Variants in PCSK5 observed in about 807,000 individuals in gnomAD.
PCSK5 encodes proprotein convertase subtilisin/kexin type 5.
A neutral mutation model predicts 233.2 loss-of-function variants in PCSK5; 129 were observed. The observed-to-expected ratio is 0.55, with a 90% CI of 0.48 to 0.64. PCSK5 has a LOEUF of 0.64. Ranked by LOEUF, PCSK5 falls within the 30% of genes least tolerant of loss-of-function variation. The pLI is 0.00. For synonymous variants in PCSK5, 825 were observed against 879.2 expected, an observed-to-expected ratio of 0.94 and a Z score of 1.09; for missense variants, 2,076 against 2,430.1, an observed-to-expected ratio of 0.85 and a Z score of 3.06.
At chr9:75,965,251 ATGTGTGTATATGTGTGTGTGTGTGTG>A (rs1408378480) in intron 2 of PCSK5, among the ~76,000 whole-genome samples, 6 of 93,090 alleles carry the variant, frequency 6.4e-5, no homozygotes, top group African/African-American at 2.4e-4. Context: ...ATATATGTGT[ATGTGTGTATATGTGTGTGTGTGTGTG>A]TGTGTGTGTG....
intron 1 of PCSK5, among the ~76,000 whole-genome samples, chr9:75,915,041 G>A (rs976023926): frequency 6.6e-5 from 10 of 152,160 alleles, no homozygotes; most frequent in African/African-American, 2.2e-4. Flanking sequence ...TTGATTGAAC[G>A]GCTAAAGCAT....
In PCSK5 at chr9:76,201,440, A is replaced by T. The variant is rs551070732; in HGVS notation, c.2626+11694A>T. Among the ~76,000 whole-genome samples the T allele has an allele frequency of 6.6e-5, 10 of 152,340 alleles. No individual in the cohort carries two copies. In the South Asian group the frequency reaches 1.4e-3, roughly 22 times the overall value. Reference sequence around the variant, plus strand: ...TAAATGCCTAAGGTACTCCAGTGGTAGATAGAAGGTCTGGGATTAATTTAA... The same window carrying T: ...TAAATGCCTAAGGTACTCCAGTGGTTGATAGAAGGTCTGGGATTAATTTAA... On this transcript the variant is annotated intron_variant, in intron 20 of 37. Coordinates refer to ENST00000674117, the MANE Select transcript of PCSK5 (RefSeq NM_001372043.1).
At chr9:76,296,628 T>G (rs891214589) in intron 26 of PCSK5, 37 bp from the exon 27 acceptor site, 13 of 1,433,218 alleles carry the variant, frequency 9.1e-6, no homozygotes, top group Non-Finnish European at 1.1e-5. Flanking sequence ...CAAAGATCAC[T>G]AAAGCCTTCA....
chr9:76,171,703 G>A (rs570291580), intron 13 of PCSK5, among the ~76,000 whole-genome samples: 1 of 152,120 alleles, frequency 6.6e-6, no homozygotes, highest in Non-Finnish European at 1.5e-5. Flanking sequence ...CATAGCAGAG[G>A]CATCTCCTTA....
intron 9 of PCSK5, among the ~76,000 whole-genome samples, chr9:76,131,737 A>G (rs559014901): frequency 3.3e-5 from 5 of 152,126 alleles, no homozygotes; most frequent in Admixed American, 1.3e-4. Flanking sequence ...GGATCTCCCA[A>G]TGATCAGAAT....
intron 17 of PCSK5, 50 bp downstream of exon 17, chr9:76,184,807 A>G (rs1824027705): frequency 9.3e-7 from 1 of 1,079,820 alleles, no homozygotes; most frequent in Non-Finnish European, 1.4e-6. Flanking sequence ...AGAGCTTCTC[A>G]ATGTAAATAA....
chr9:76,207,675 G>A (rs1363947255), intron 20 of PCSK5, among the ~76,000 whole-genome samples: 1 of 152,170 alleles, frequency 6.6e-6, no homozygotes, highest in Non-Finnish European at 1.5e-5. Context: ...GTTATGAAAA[G>A]GAATTAGAGA....
Position 76,106,834 on chromosome 9 carries a change from A to G in PCSK5, c.1108-417A>G, listed in dbSNP as rs1831999699. Among the ~76,000 whole-genome samples the G allele has an allele frequency of 1.3e-5, 2 of 152,206 alleles. 1 individual carries two copies. The highest frequency in any genetic ancestry group is 4.1e-4 in the South Asian group (2 of 4,836). The stretch of plus-strand genomic sequence containing the variant: ...TGTACTTTTATTCTGTATGTTGCCA[A>G]TGCCTGCTCAGTGTCTGGATTTGAT... On this transcript the variant is annotated intron_variant, in intron 8 of 37. Coordinates refer to ENST00000674117, the MANE Select transcript of PCSK5 (RefSeq NM_001372043.1).
chr9:75,890,629 G>C (rs1037559099), upstream of PCSK5: 1 of 152,950 alleles, frequency 6.5e-6, no homozygotes, highest in African/African-American at 2.4e-5. Context: ...GGTGTTAAGG[G>C]GGGCGGGGGA....
chr9:75,979,774 C>T (rs141920930), intron 2 of PCSK5, among the ~76,000 whole-genome samples: 1 of 152,164 alleles, frequency 6.6e-6, no homozygotes, highest in East Asian at 1.9e-4. Context: ...TTCAAAGAGG[C>T]CTTTCTTGAC....
intron 5 of PCSK5, among the ~76,000 whole-genome samples, chr9:76,041,302 C>T (rs1188980371): frequency 1.3e-5 from 2 of 152,110 alleles, no homozygotes; most frequent in Non-Finnish European, 2.9e-5. Flanking sequence ...AATAGTATTT[C>T]ACCTGAGTCT....
intron 7 of PCSK5, among the ~76,000 whole-genome samples, chr9:76,087,430 T>C (rs924326261): frequency 1.3e-5 from 2 of 152,230 alleles, no homozygotes; most frequent in African/African-American, 4.8e-5. Flanking sequence ...TTGACCACCT[T>C]ACTCACCATT....
intron 2 of PCSK5, among the ~76,000 whole-genome samples, chr9:75,979,538 C>T (rs752532852): frequency 1.3e-5 from 2 of 152,158 alleles, no homozygotes; most frequent in East Asian, 1.9e-4. Context: ...TTTGAGTGAG[C>T]TTCTTTCTTT....
rs59466685 is a variant in PCSK5 at position 76,328,975 on chromosome 9, A to ATTTTT, written c.4570+747_4570+751dup. Among the ~76,000 whole-genome samples, 231 of 123,698 alleles carry ATTTTT rather than the reference A, an allele frequency of 1.9e-3. 5 individuals are homozygous for ATTTTT. Among genetic ancestry groups the ATTTTT allele is most frequent in the African/African-American group, 6.6e-3 (204 of 31,074 alleles). The allele number at this position is 123,698 out of a possible 152,430, so 81.2% of individuals were successfully genotyped here. A position where few individuals can be genotyped will look rare whatever the true frequency, so the allele number is the denominator to read the frequency against. On this transcript the variant is annotated intron_variant, in intron 33 of 37. Transcript: ENST00000674117. Reference sequence around the variant, plus strand: ...AGGTGGGCACCATCGCTCCCGGCTAATTTTTTTTTTTTTTTGTATTTTTGG... The same window carrying ATTTTT: ...AGGTGGGCACCATCGCTCCCGGCTAATTTTTTTTTTTTTTTTTTTTGTATTTTTGG...
chr9:76,279,814 C>A (rs1201499309), intron 24 of PCSK5, among the ~76,000 whole-genome samples: 2 of 151,104 alleles, frequency 1.3e-5, no homozygotes, highest in Non-Finnish European at 2.9e-5. Context: ...TGGATATTAG[C>A]CCTTTGTCAG....
At chr9:75,896,614 T>C (rs1473334131) in intron 1 of PCSK5, among the ~76,000 whole-genome samples, 1 of 152,224 alleles carries the variant, frequency 6.6e-6, no homozygotes, top group Non-Finnish European at 1.5e-5. Context: ...ATTCATTTAA[T>C]TCAGGTTGTG....
At chr9:75,899,945 GA>G (rs1241734242) in intron 1 of PCSK5, among the ~76,000 whole-genome samples, 1 of 152,186 alleles carries the variant, frequency 6.6e-6, no homozygotes, top group Non-Finnish European at 1.5e-5. Context: ...AAGTGCTATA[GA>G]AAGAATCCAG....
At chr9:76,355,555 G>A (rs1006133017) in intron 37 of PCSK5, among the ~76,000 whole-genome samples, 1 of 152,124 alleles carries the variant, frequency 6.6e-6, no homozygotes, top group African/African-American at 2.4e-5. Flanking sequence ...ATTTCCTTGG[G>A]GTTCAGAAGT....
intron 2 of PCSK5, among the ~76,000 whole-genome samples, chr9:75,953,910 G>A (rs570263314): frequency 1.3e-5 from 2 of 152,210 alleles, no homozygotes; most frequent in South Asian, 4.1e-4. Flanking sequence ...GAAGTCCTGT[G>A]GGGGAAGGCC....
Sources: allele counts gnomAD v4.1 joint callset (sites outside exome capture counted in the v4.1 genomes callset), GRCh38; gene constraint gnomAD v4.1.1; transcripts MANE v1.5; gene names NCBI Gene and HGNC (gene_info 2026-07-23, HGNC 2026-07-21).